The following GPRASP3 variants were observed in gnomAD, a reference collection of about 807,000 sequenced individuals.
GPRASP3 encodes the protein G protein-coupled receptor associated sorting protein family member 3, also known as G protein-coupled receptor associated sorting protein 3.
the GPRASP3 span, chrX:102,752,148 G>A: frequency 1.1e-4 from 13 of 122,539 alleles, no homozygotes; most frequent in African/African-American, 4.2e-4. Context: ...AAAGCTAGAA[G>A]AGGTTGCTGT....
At chrX:102,735,406 T>C in the GPRASP3 span, among the ~76,000 whole-genome samples, 9 of 104,008 alleles carry the variant, frequency 8.7e-5, no homozygotes, top group African/African-American at 3.2e-4. Context: ...AGAATCTCTT[T>C]TTTTTTTTTT....
the GPRASP3 span, chrX:102,749,162 C>T: frequency 2.5e-6 from 3 of 1,210,647 alleles, no homozygotes; most frequent in Non-Finnish European, 2.2e-6. Flanking sequence ...GATGCAGTAG[C>T]AGAGATGAAG....
At chrX:102,742,607 T>G in the GPRASP3 span, among the ~76,000 whole-genome samples, 1 of 111,942 alleles carries the variant, frequency 8.9e-6, no homozygotes, top group African/African-American at 3.3e-5. Flanking sequence ...CAACCAAATT[T>G]TGGGAGATCA....
the GPRASP3 span, chrX:102,749,933 C>T: frequency 3.6e-5 from 43 of 1,209,520 alleles, 1 homozygote; most frequent in South Asian, 6.5e-4. Flanking sequence ...TTTGCTTGTC[C>T]TTGCAAAATG....
chrX:102,747,976 G>C, the GPRASP3 span: 1 of 112,036 alleles, frequency 8.9e-6, no homozygotes. Context: ...AAGTGGGTTA[G>C]ACCAGATCAT....
chrX:102,752,906 A>T, the GPRASP3 span: 1 of 122,022 alleles, frequency 8.2e-6, no homozygotes. Flanking sequence ...AGCAGCTGGG[A>T]CTACAGGTGC....
chrX:102,749,761 G>A, the GPRASP3 span: 1 of 1,211,875 alleles, frequency 8.3e-7, no homozygotes, highest in Non-Finnish European at 1.1e-6. Context: ...TGAAGAAAAT[G>A]CCTGTTCTTT....
At chrX:102,740,383 C>T in the GPRASP3 span, among the ~76,000 whole-genome samples, 2 of 111,682 alleles carry the variant, frequency 1.8e-5, no homozygotes, top group South Asian at 3.8e-4. Flanking sequence ...GGAATTCTTC[C>T]GAATCTTAAC....
chrX:102,726,373 T>C, the GPRASP3 span, among the ~76,000 whole-genome samples: 1 of 112,839 alleles, frequency 8.9e-6, no homozygotes, highest in South Asian at 3.7e-4. Flanking sequence ...TACAATCAGA[T>C]CTTCTGTTCC....
At chrX:102,749,176 G>T in the GPRASP3 span, 1 of 1,212,175 alleles carries the variant, frequency 8.2e-7, no homozygotes, top group Non-Finnish European at 1.1e-6. Flanking sequence ...GATGAAGGCA[G>T]TGTCTAAGAA....
chrX:102,724,067 A>G, the GPRASP3 span, among the ~76,000 whole-genome samples: 3 of 111,665 alleles, frequency 2.7e-5, no homozygotes, highest in African/African-American at 9.8e-5. Flanking sequence ...CTTGAGTTCT[A>G]CGAGTTGTTT....
chrX:102,752,931 G>T, the GPRASP3 span: 1 of 120,900 alleles, frequency 8.3e-6, no homozygotes, highest in Non-Finnish European at 1.9e-5. Context: ...CACCACATCC[G>T]ACTAATTTTT....
chrX:102,721,502 C>A, the GPRASP3 span, among the ~76,000 whole-genome samples: 3,499 of 111,120 alleles, frequency 0.031, 136 homozygotes, highest in South Asian at 0.28. Context: ...ACCTCAATCC[C>A]GGCAGTTCTA....
chrX:102,731,667 G>A, the GPRASP3 span, among the ~76,000 whole-genome samples: 3 of 110,692 alleles, frequency 2.7e-5, no homozygotes, highest in African/African-American at 9.9e-5. Flanking sequence ...GGAGAGAAAG[G>A]GGAGTACGCT....
the GPRASP3 span, among the ~76,000 whole-genome samples, chrX:102,743,934 G>A: frequency 0.016 from 1,767 of 111,476 alleles, 33 homozygotes; most frequent in African/African-American, 0.056. Flanking sequence ...AATTGGGGAC[G>A]TTGCATATGT....
chrX:102,747,249 A>G, the GPRASP3 span, among the ~76,000 whole-genome samples: 1 of 112,363 alleles, frequency 8.9e-6, no homozygotes, highest in East Asian at 2.8e-4. Flanking sequence ...AGGAGGTGTT[A>G]GAATCCGAAT....
At chrX:102,738,855 T>C in the GPRASP3 span, among the ~76,000 whole-genome samples, 1 of 111,734 alleles carries the variant, frequency 8.9e-6, no homozygotes, top group East Asian at 2.8e-4. Flanking sequence ...CAGGAAGTCC[T>C]AAGGACATGT....
the GPRASP3 span, among the ~76,000 whole-genome samples, chrX:102,725,883 A>AT: frequency 0.024 from 2,624 of 111,111 alleles, 76 homozygotes; most frequent in African/African-American, 0.082. Context: ...GAGTCTTTTT[A>AT]TTTTTTTATT....
At chrX:102,739,039 A>G in the GPRASP3 span, among the ~76,000 whole-genome samples, 1,235 of 111,395 alleles carry the variant, frequency 0.011, 23 homozygotes, top group African/African-American at 0.039. Context: ...CATTCTTTTG[A>G]GTTTCTCATA....
Sources: allele counts gnomAD v4.1 joint callset (sites outside exome capture counted in the v4.1 genomes callset), GRCh38; gene constraint gnomAD v4.1.1; transcripts MANE v1.5; gene names NCBI Gene and HGNC (gene_info 2026-07-23, HGNC 2026-07-21).